The following LPCAT2 variants were observed in gnomAD, a reference collection of about 807,000 sequenced individuals.
LPCAT2 encodes 1-AGP acyltransferase 11.
In LPCAT2, 58 loss-of-function variants were observed where a neutral mutation model predicts 64.7. That is an observed-to-expected ratio of 0.90 (90% confidence interval 0.73 to 1.12). The LOEUF is 1.12. Ranked by LOEUF, LPCAT2 falls within the 50% of genes most tolerant of loss-of-function variation. The probability of loss-of-function intolerance (pLI) is 0.00; values close to 1 mark genes in which losing one functional copy is unlikely to be tolerated. For synonymous variants in LPCAT2, 252 were observed against 245.3 expected (o/e 1.03, Z -0.26); for missense variants, 579 against 669.8 (o/e 0.86, Z 1.50).
chr16:55,560,441 T>G (rs1963623289), intron 11 of LPCAT2, among the ~76,000 whole-genome samples: 1 of 152,092 alleles, frequency 6.6e-6, no homozygotes, highest in Non-Finnish European at 1.5e-5. Flanking sequence ...ACTTAATAGG[T>G]TGCAGTCACC....
intron 13 of LPCAT2, among the ~76,000 whole-genome samples, chr16:55,581,817 C>T (rs1247561099): frequency 4.6e-5 from 7 of 152,136 alleles, no homozygotes; most frequent in African/African-American, 1.7e-4. Flanking sequence ...TTCAGAAACT[C>T]CAGGTTACTG....
chr16:55,566,049 G>A (rs1317101616), intron 11 of LPCAT2, among the ~76,000 whole-genome samples: 1 of 152,166 alleles, frequency 6.6e-6, no homozygotes, highest in Non-Finnish European at 1.5e-5. Flanking sequence ...CCTCTGAGAT[G>A]TGTGCAGTCT....
chr16:55,581,198 A>G (rs1419725484), intron 13 of LPCAT2, among the ~76,000 whole-genome samples: 2 of 152,334 alleles, frequency 1.3e-5, no homozygotes, highest in African/African-American at 4.8e-5. Flanking sequence ...TCTTGGTTTC[A>G]GTAGATCAAC....
At chr16:55,526,683 AG>A (rs35311933) in intron 2 of LPCAT2, among the ~76,000 whole-genome samples, 8 of 152,144 alleles carry the variant, frequency 5.3e-5, no homozygotes, top group African/African-American at 1.9e-4. Context: ...CAATGCTTCA[AG>A]GAACGTTTTT....
At chr16:55,578,103 C>T (rs1398367942) in intron 12 of LPCAT2, among the ~76,000 whole-genome samples, 1 of 152,112 alleles carries the variant, frequency 6.6e-6, no homozygotes, top group Non-Finnish European at 1.5e-5. Context: ...CTTGGTTCTC[C>T]TATCTGGCTG....
chr16:55,576,160 A>C (rs1439834861), intron 12 of LPCAT2, among the ~76,000 whole-genome samples: 1 of 149,992 alleles, frequency 6.7e-6, no homozygotes, highest in Non-Finnish European at 1.5e-5. Context: ...GAAGGGAAGA[A>C]AGGAGGGCTT....
At chr16:55,509,461 TG>T in intron 1 of LPCAT2, 109 bp downstream of exon 1, 1 of 1,131,070 alleles carries the variant, frequency 8.8e-7, no homozygotes, top group Non-Finnish European at 1.1e-6. Context: ...GAGGGGGGCG[TG>T]GGTCTGAGGG....
intron 11 of LPCAT2, among the ~76,000 whole-genome samples, chr16:55,552,415 A>C (rs1267528821): frequency 6.6e-6 from 1 of 152,208 alleles, no homozygotes; most frequent in Non-Finnish European, 1.5e-5. Context: ...AAGAATTTGT[A>C]TATAGGTTAT....
intron 11 of LPCAT2, 158 bp downstream of exon 11, chr16:55,551,260 A>G: frequency 2.3e-6 from 1 of 443,700 alleles, no homozygotes; most frequent in East Asian, 3.4e-5. Flanking sequence ...TCTCCTTAAT[A>G]GTAATATTAA....
chr16:55,522,746 C>G (rs1396977312), intron 1 of LPCAT2, among the ~76,000 whole-genome samples: 1 of 151,594 alleles, frequency 6.6e-6, no homozygotes, highest in Non-Finnish European at 1.5e-5. Flanking sequence ...GCTGCAACAA[C>G]TGGATAAATT....
At chr16:55,577,071 G>A (rs1294073480) in intron 12 of LPCAT2, among the ~76,000 whole-genome samples, 1 of 152,142 alleles carries the variant, frequency 6.6e-6, no homozygotes, top group Non-Finnish European at 1.5e-5. Flanking sequence ...GGCAATTACT[G>A]TTGAAGTCCA....
At chr16:55,517,393 T>A (rs1963027681) in intron 1 of LPCAT2, among the ~76,000 whole-genome samples, 2 of 152,054 alleles carry the variant, frequency 1.3e-5, no homozygotes, top group East Asian at 3.9e-4. Context: ...ATGACTTCAC[T>A]GGTGAACGCT....
At chr16:55,582,460 A>T (rs1402405642) in intron 13 of LPCAT2, among the ~76,000 whole-genome samples, 1 of 152,186 alleles carries the variant, frequency 6.6e-6, no homozygotes, top group Non-Finnish European at 1.5e-5. Context: ...ATTAAACATT[A>T]TGGCTTTAAG....
chr16:55,552,795 T>C (rs1963532084), intron 11 of LPCAT2, among the ~76,000 whole-genome samples: 2 of 152,230 alleles, frequency 1.3e-5, no homozygotes, highest in Admixed American at 6.5e-5. Flanking sequence ...GTTGTAATCT[T>C]CTTGCTGATG....
rs1963942263 is a variant in LPCAT2 at position 55,586,057 on chromosome 16, TAC to T, written c.*2961_*2962del. 1 of 152,112 alleles carries T rather than the reference TAC, an allele frequency of 6.6e-6. No homozygotes were observed. The highest frequency in any genetic ancestry group is 2.4e-5 in the African/African-American group (1 of 41,440). 9.4% of individuals were successfully genotyped at this position (152,112 alleles called of 1,614,324 possible). A position where few individuals can be genotyped will look rare whatever the true frequency, so the allele number is the denominator to read the frequency against. ...CCATTCCCGGGAAAGTAGACATACT[TAC>T]ATTTTTTTCCTTTTCTGCTCATTTG... On this transcript the variant is annotated 3_prime_UTR_variant, in exon 14 of 14. Transcript: ENST00000262134.
chr16:55,546,706 A>C (rs1218384322), intron 9 of LPCAT2, among the ~76,000 whole-genome samples: 2 of 152,156 alleles, frequency 1.3e-5, no homozygotes, highest in African/African-American at 2.4e-5. Context: ...TTTGGCAAAA[A>C]ATTTGCTATT....
chr16:55,549,496 T>C, intron 10 of LPCAT2, 94 bp downstream of exon 10: 1 of 1,175,030 alleles, frequency 8.5e-7, no homozygotes, highest in Middle Eastern at 2.7e-4. Flanking sequence ...AATGCTCAGC[T>C]CTAGTTCCCA....
chr16:55,565,244 T>G (rs1458156713), intron 11 of LPCAT2, among the ~76,000 whole-genome samples: 3 of 152,090 alleles, frequency 2.0e-5, no homozygotes, highest in Non-Finnish European at 2.9e-5. Context: ...TTGGAACTCT[T>G]GTGTATTGCT....
intron 11 of LPCAT2, among the ~76,000 whole-genome samples, chr16:55,555,971 C>T (rs1020490591): frequency 1.3e-5 from 2 of 152,136 alleles, no homozygotes; most frequent in Non-Finnish European, 2.9e-5. Context: ...TTCGCTCCTA[C>T]ACCTGGCTAA....
Sources: allele counts gnomAD v4.1 joint callset (sites outside exome capture counted in the v4.1 genomes callset), GRCh38; gene constraint gnomAD v4.1.1; transcripts MANE v1.5; gene names NCBI Gene and HGNC (gene_info 2026-07-23, HGNC 2026-07-21).